Variants in VPS8 observed in about 807,000 individuals in gnomAD.
The protein encoded by VPS8 is VPS8 subunit of CORVET complex, also known as vacuolar protein sorting-associated protein 8 homolog.
In VPS8, 129 loss-of-function variants were observed where a neutral mutation model predicts 216.4. That is an observed-to-expected ratio of 0.60 (90% CI 0.52 to 0.69). The LOEUF is 0.69. Ranked by LOEUF, VPS8 falls within the 30% of genes least tolerant of loss-of-function variation. The pLI, the probability that VPS8 is intolerant of heterozygous loss-of-function variation, is 0.00. For missense variants in VPS8, 1,531 were observed against 1,683.5 expected (o/e 0.91, Z 1.59); for synonymous variants, 571 against 565.4 (o/e 1.01, Z -0.14).
intron 7 of VPS8, 60 bp downstream of exon 7, chr3:184,839,812 G>A: frequency 6.5e-7 from 1 of 1,547,704 alleles, no homozygotes; most frequent in Middle Eastern, 1.8e-4. Context: ...GTTTTATAAT[G>A]TCCTTTAATC....
chr3:185,006,760 T>G (rs1754308096), intron 45 of VPS8, among the ~76,000 whole-genome samples: 1 of 152,190 alleles, frequency 6.6e-6, no homozygotes, highest in South Asian at 2.1e-4. Context: ...CCAGGCAGCT[T>G]CCGCCTGTTG....
intron 15 of VPS8, among the ~76,000 whole-genome samples, chr3:184,861,644 G>A (rs373800005): frequency 6.6e-6 from 1 of 152,162 alleles, no homozygotes; most frequent in Non-Finnish European, 1.5e-5. Flanking sequence ...TTAAAAATCT[G>A]CAGAAGTGTA....
intron 27 of VPS8, 128 bp downstream of exon 27, chr3:184,915,181 C>A: frequency 1.5e-6 from 2 of 1,328,652 alleles, no homozygotes; most frequent in South Asian, 1.3e-5. Context: ...AGCTTACACA[C>A]TATTACTAAA....
Position 184,931,404 on chromosome 3 carries a change from CATT to C in VPS8, c.2898+837_2898+839del, listed in dbSNP as rs1740653668. Among the ~76,000 whole-genome samples the C allele has an allele frequency of 2.6e-5, 4 of 152,228 alleles. No individual in the cohort carries two copies. The South Asian group carries it at 6.2e-4, about 24-fold the overall frequency. On this transcript the variant is annotated intron_variant, in intron 34 of 47. Coordinates refer to ENST00000625842, the MANE Select transcript of VPS8 (RefSeq NM_001009921.3). ...ACATTTATATCTACAGAGTTGCTCT[CATT>C]CTTCTTATAGCAAGAGTCAGGTGGT...
chr3:185,030,315 G>A (rs1431287304), intron 46 of VPS8, among the ~76,000 whole-genome samples: 1 of 152,216 alleles, frequency 6.6e-6, no homozygotes, highest in Non-Finnish European at 1.5e-5. Context: ...GATAACTAGA[G>A]AAAGCATTTT....
At chr3:184,829,326 G>A (rs1375834698) in intron 3 of VPS8, among the ~76,000 whole-genome samples, 1 of 152,084 alleles carries the variant, frequency 6.6e-6, no homozygotes, top group African/African-American at 2.4e-5. Context: ...TGATTCTCGT[G>A]CCTCAGCCTC....
chr3:185,042,745 G>A (rs79778239), intron 46 of VPS8, among the ~76,000 whole-genome samples: 2,607 of 152,180 alleles, frequency 0.017, 72 homozygotes, highest in African/African-American at 0.059. Context: ...AGCTACATTC[G>A]TTCTCTAAAA....
chr3:184,849,375 C>A, intron 9 of VPS8, 180 bp downstream of exon 9: 1 of 660,828 alleles, frequency 1.5e-6, no homozygotes, highest in Non-Finnish European at 2.4e-6. Flanking sequence ...TTGTTATCGA[C>A]TGACCCAGAG....
chr3:184,841,407 ATTTTT>A (rs2108600295), intron 7 of VPS8, among the ~76,000 whole-genome samples: 1 of 152,246 alleles, frequency 6.6e-6, no homozygotes, highest in South Asian at 2.1e-4. Context: ...CTGTAACATC[ATTTTT>A]AATGGCTATA....
intron 35 of VPS8, among the ~76,000 whole-genome samples, chr3:184,937,561 C>T (rs1406473965): frequency 6.6e-6 from 1 of 152,146 alleles, no homozygotes; most frequent in Non-Finnish European, 1.5e-5. Flanking sequence ...GTTGAAAGAG[C>T]TACACTAGAG....
chr3:184,979,868 C>A (rs2109729081), intron 40 of VPS8, among the ~76,000 whole-genome samples: 1 of 152,232 alleles, frequency 6.6e-6, no homozygotes, highest in East Asian at 1.9e-4. Context: ...GTTGTGCAGA[C>A]TTCATTGTAG....
At chr3:185,011,301 A>G (rs1240385118) in intron 45 of VPS8, among the ~76,000 whole-genome samples, 1 of 152,202 alleles carries the variant, frequency 6.6e-6, no homozygotes, top group Non-Finnish European at 1.5e-5. Context: ...AAGGGAAGCA[A>G]ACTAGACGAG....
intron 46 of VPS8, among the ~76,000 whole-genome samples, chr3:185,026,002 T>C (rs1221535279): frequency 6.6e-6 from 1 of 152,220 alleles, no homozygotes; most frequent in African/African-American, 2.4e-5. Context: ...ATATAGTAAG[T>C]ACTCAAGCTG....
intron 29 of VPS8, among the ~76,000 whole-genome samples, chr3:184,923,318 A>G (rs1009774756): frequency 6.6e-5 from 10 of 152,088 alleles, no homozygotes; most frequent in Non-Finnish European, 1.5e-4. Context: ...CCACCTGCCA[A>G]TCAGGCTCAA....
At position 184,947,549 on chromosome 3, in the gene VPS8, G is replaced by T. The variant is rs575698863; in HGVS notation, c.3035+7306G>T. ...TTTCAGGAGGTGATGTTGTGGGCAG[G>T]TTTTTTTTTTTTTAAATCAAAATCA... is the stretch of plus-strand genomic sequence containing the variant. On this transcript the variant is annotated intron_variant, in intron 36 of 47. Coordinates refer to ENST00000625842, the MANE Select transcript of VPS8 (RefSeq NM_001009921.3). 3.8e-3 allele frequency among the ~76,000 whole-genome samples: 549 copies of T among 144,638 alleles called. 3 individuals are homozygous for T. The highest frequency in any genetic ancestry group is 0.013 in the African/African-American group (525 of 39,782). The allele number at this position is 144,638 out of a possible 152,430, so 94.9% of individuals were successfully genotyped here. A position where few individuals can be genotyped will look rare whatever the true frequency, so the allele number is the denominator to read the frequency against.
chr3:184,890,815 T>C (rs534303552), intron 22 of VPS8, among the ~76,000 whole-genome samples: 13 of 152,282 alleles, frequency 8.5e-5, no homozygotes, highest in Admixed American at 3.3e-4. Context: ...TTTTGAAGAC[T>C]TATACTTTAT....
intron 21 of VPS8, among the ~76,000 whole-genome samples, chr3:184,885,297 T>A (rs1026675775): frequency 6.6e-6 from 1 of 152,176 alleles, no homozygotes. Flanking sequence ...GGGAAACCAT[T>A]TCCCTGTAGT....
rs552704162 is a variant in VPS8 at position 184,889,543 on chromosome 3, A to G, written c.1781+3387A>G. ...CTTTCTCTCAATTCTGTTTTCTAAC[A>G]CCGAAGACTAGATTGTACTAGATCC... is the stretch of plus-strand genomic sequence containing the variant. On this transcript the variant is annotated intron_variant, in intron 22 of 47. Coordinates refer to ENST00000625842, the MANE Select transcript of VPS8 (RefSeq NM_001009921.3). Among the ~76,000 whole-genome samples, 5 of 152,192 alleles carry G rather than the reference A, an allele frequency of 3.3e-5. No homozygotes were observed. In the South Asian group the frequency reaches 1.0e-3, roughly 32 times the overall value.
chr3:185,023,485 G>C (rs1301336521), intron 45 of VPS8, among the ~76,000 whole-genome samples: 1 of 151,948 alleles, frequency 6.6e-6, no homozygotes, highest in African/African-American at 2.4e-5. Context: ...TCTGAGGTCA[G>C]GTGATCTCTA....
Sources: gnomAD v4.1 joint callset for allele counts (sites outside exome capture counted in the v4.1 genomes callset) on GRCh38, gnomAD v4.1.1 for gene constraint, MANE v1.5 for transcripts, NCBI Gene and HGNC (gene_info 2026-07-23, HGNC 2026-07-21) for gene names.